The following MAPK6 variants were observed in gnomAD, a reference collection of about 807,000 sequenced individuals.
MAPK6 encodes mitogen-activated protein kinase 6.
MAPK6 carries 19 observed loss-of-function variants against 59.3 expected under a neutral mutation model. The observed-to-expected ratio is 0.32, with a 90% CI of 0.22 to 0.47. The LOEUF is 0.47. MAPK6 is among the 20% of genes least tolerant of loss of function. The pLI, the probability that MAPK6 is intolerant of heterozygous loss-of-function variation, is 1.00. For synonymous variants in MAPK6, 316 were observed against 290.3 expected (o/e 1.09, Z -0.90); for missense variants, 724 against 847.9 (o/e 0.85, Z 1.81).
At chr15:52,045,263 A>G (rs1041279121) in intron 1 of MAPK6, among the ~76,000 whole-genome samples, 1 of 152,180 alleles carries the variant, frequency 6.6e-6, no homozygotes, top group Non-Finnish European at 1.5e-5. Context: ...TTCAATCTGA[A>G]ATGTTCTCTT....
At chr15:52,050,538 G>A (rs2031744073) in intron 3 of MAPK6, among the ~76,000 whole-genome samples, 1 of 152,156 alleles carries the variant, frequency 6.6e-6, no homozygotes, top group African/African-American at 2.4e-5. Context: ...GTTAAGTTTG[G>A]TGCTATTTAG....
intron 1 of MAPK6, among the ~76,000 whole-genome samples, chr15:52,031,125 G>A (rs1183713475): frequency 1.3e-5 from 2 of 151,912 alleles, no homozygotes; most frequent in Admixed American, 6.6e-5. Context: ...GAGAGACAGG[G>A]TTTCCCCCTG....
At position 52,061,368 on chromosome 15, in the gene MAPK6, C is replaced by T. The variant is rs755211001; in HGVS notation, c.935C>T (p.Ser312Phe). Residue 312 changes from serine (S) to phenylalanine (F), a missense_variant, in exon 5 of 6, where the codon TCC becomes TTC. By Grantham distance (155) the Ser-to-Phe change is radical (BLOSUM62 -2). Coordinates refer to ENST00000261845, the MANE Select transcript of MAPK6 (RefSeq NM_002748.4). ...MDRLTAEEAL[S>F]HPYMSIYSFP... Reference sequence around the variant, plus strand: ...CGGTTAACAGCAGAAGAAGCACTCTCCCATCCTTACATGAGCATATATTCT... The same window carrying T: ...CGGTTAACAGCAGAAGAAGCACTCTTCCATCCTTACATGAGCATATATTCT... 8 of 1,614,114 alleles carry T rather than the reference C, an allele frequency of 5.0e-6. No individual in the cohort carries two copies. The South Asian group carries it at 8.8e-5, about 18-fold the overall frequency.
chr15:52,024,267 C>G (rs1369585069), intron 1 of MAPK6, among the ~76,000 whole-genome samples: 1 of 152,186 alleles, frequency 6.6e-6, no homozygotes, highest in Non-Finnish European at 1.5e-5. Flanking sequence ...GATCTAAGAT[C>G]TTGGTACTGA....
rs2032371361 is a variant in MAPK6 at position 52,065,262 on chromosome 15, A to G, written c.*262A>G. Reference sequence around the variant, plus strand: ...GAGGAGAAAAGAAATGCACTAAGACAAGAACATTCTCTCATAGAACATTGA... The same window carrying G: ...GAGGAGAAAAGAAATGCACTAAGACGAGAACATTCTCTCATAGAACATTGA... On this transcript the variant is annotated 3_prime_UTR_variant, in exon 6 of 6. Coordinates refer to ENST00000261845, the MANE Select transcript of MAPK6 (RefSeq NM_002748.4). The G allele has an allele frequency of 6.0e-6, 2 of 333,988 alleles. No individual in the cohort carries two copies. The highest frequency in any genetic ancestry group is 4.3e-5 in the African/African-American group (2 of 47,040). 20.7% of individuals were successfully genotyped at this position (333,988 alleles called of 1,614,324 possible). A position where few individuals can be genotyped will look rare whatever the true frequency, so the allele number is the denominator to read the frequency against.
At position 52,067,169 on chromosome 15, in the gene MAPK6, A is replaced by T. The variant is rs2032445298; in HGVS notation, c.*2169A>T. On this transcript the variant is annotated 3_prime_UTR_variant, in exon 6 of 6. Transcript: ENST00000261845. ...GAAACTTGGCTCCTGGACTTAATCC[A>T]CATTCGTTAAACTGTCACCTTGGCA... 6.6e-6 allele frequency: 1 copy of T among 152,198 alleles called. No individual in the cohort carries two copies. Among genetic ancestry groups the T allele is most frequent in the African/African-American group, 2.4e-5 (1 of 41,442 alleles). 9.4% of individuals were successfully genotyped at this position (152,198 alleles called of 1,614,324 possible).
chr15:51,997,002 C>T (rs915188043), intron 2 of MAPK6, among the ~76,000 whole-genome samples: 13 of 148,418 alleles, frequency 8.8e-5, no homozygotes, highest in East Asian at 6.0e-4. Context: ...TTTTTTGAGA[C>T]GAAGTCTCAC....
intron 2 of MAPK6, among the ~76,000 whole-genome samples, chr15:51,998,288 C>T (rs2057231354): frequency 2.0e-5 from 3 of 150,774 alleles, no homozygotes; most frequent in Admixed American, 2.0e-4. Flanking sequence ...CACTGCAACC[C>T]CCACCTCCCG....
chr15:52,060,423 G>C (rs529124465), intron 4 of MAPK6, among the ~76,000 whole-genome samples: 7 of 152,152 alleles, frequency 4.6e-5, no homozygotes, highest in Non-Finnish European at 1.0e-4. Context: ...AAAGAAGACC[G>C]AGAGCATAAA....
rs989552225 is a variant in MAPK6 at position 52,021,399 on chromosome 15, T to C, written c.-632+2023T>C. The C allele has an allele frequency of 4.4e-4, 66 of 151,674 alleles. 1 individual carries two copies. Among genetic ancestry groups the C allele is most frequent in the Non-Finnish European group, 6.6e-4 (45 of 67,982 alleles). 9.4% of individuals were successfully genotyped at this position (151,674 alleles called of 1,614,324 possible). On this transcript the variant is annotated intron_variant, in intron 1 of 5. Transcript: ENST00000261845. ...TTTTTTTAAATACACTGTATTTTTT[T>C]CTAAATGATAGGCTAAAATGTTCCT...
intron 1 of MAPK6, among the ~76,000 whole-genome samples, chr15:51,973,135 G>C (rs185671491): frequency 2.7e-4 from 41 of 151,948 alleles, no homozygotes; most frequent in African/African-American, 9.9e-4. Context: ...ATATATTTTT[G>C]TAGTAAACTT....
intron 1 of MAPK6, among the ~76,000 whole-genome samples, chr15:52,022,892 G>C (rs1315676688): frequency 6.6e-6 from 1 of 151,840 alleles, no homozygotes; most frequent in Admixed American, 6.6e-5. Flanking sequence ...GGCAGATCAC[G>C]AGGTCAGGAA....
intron 1 of MAPK6, among the ~76,000 whole-genome samples, chr15:52,042,193 C>A (rs1300142166): frequency 6.6e-6 from 1 of 152,202 alleles, no homozygotes; most frequent in Non-Finnish European, 1.5e-5. Flanking sequence ...AGTGAAGGAT[C>A]TTGAAGACTA....
intron 1 of MAPK6, among the ~76,000 whole-genome samples, chr15:52,028,119 A>T (rs1044107330): frequency 6.6e-5 from 10 of 151,328 alleles, no homozygotes; most frequent in Non-Finnish European, 7.4e-5. Flanking sequence ...CGCCCGGCTA[A>T]TTTTTTGTAT....
intron 1 of MAPK6, among the ~76,000 whole-genome samples, chr15:52,039,525 T>G (rs2141893648): frequency 6.7e-6 from 1 of 148,276 alleles, no homozygotes; most frequent in South Asian, 2.2e-4. Context: ...TTTTTTTTTT[T>G]TTTTTTTGAA....
intron 2 of MAPK6, among the ~76,000 whole-genome samples, chr15:51,986,831 A>T (rs574769746): frequency 6.6e-6 from 1 of 152,168 alleles, no homozygotes; most frequent in African/African-American, 2.4e-5. Flanking sequence ...CCCTACCCAT[A>T]TTTTTGCCCA....
chr15:52,030,216 A>AT (rs1024598908), intron 1 of MAPK6, among the ~76,000 whole-genome samples: 2 of 152,168 alleles, frequency 1.3e-5, no homozygotes, highest in Non-Finnish European at 2.9e-5. Context: ...TCAGAGGGCC[A>AT]TTTCCCAGCT....
intron 3 of MAPK6, 76 bp downstream of exon 3, chr15:52,050,213 T>C (rs115866639): frequency 0.01 from 13,425 of 1,279,500 alleles, 107 homozygotes; most frequent in African/African-American, 0.033. Flanking sequence ...AAGATTCATA[T>C]AAGATTTAAA....
At chr15:52,027,461 T>G (rs2141864329) in intron 1 of MAPK6, among the ~76,000 whole-genome samples, 1 of 151,518 alleles carries the variant, frequency 6.6e-6, no homozygotes, top group Middle Eastern at 3.4e-3. Context: ...TAATTGAGTT[T>G]TATGCTTAAG....
Sources: allele counts gnomAD v4.1 joint callset (sites outside exome capture counted in the v4.1 genomes callset), GRCh38; gene constraint gnomAD v4.1.1; transcripts MANE v1.5; gene names NCBI Gene and HGNC (gene_info 2026-07-23, HGNC 2026-07-21).